The following FBXL7 variants were observed in gnomAD, a reference collection of about 807,000 sequenced individuals.
FBXL7 encodes the protein F-box and leucine rich repeat protein 7, also known as F-box/LRR-repeat protein 7.
Under a neutral mutation model 38.3 loss-of-function variants are expected in FBXL7, and 12 were observed. That is an observed-to-expected ratio of 0.31 (90% CI 0.20 to 0.51). The LOEUF (loss-of-function observed/expected upper bound fraction) is 0.51, where lower values mean the gene tolerates loss of function less well. FBXL7 is among the 20% of genes least tolerant of loss of function. The pLI, the probability that FBXL7 is intolerant of heterozygous loss-of-function variation, is 0.98. For synonymous variants in FBXL7, 297 were observed against 300.9 expected (o/e 0.99, Z 0.13); for missense variants, 567 against 676.4 (o/e 0.84, Z 1.79).
intron 2 of FBXL7, among the ~76,000 whole-genome samples, chr5:15,770,027 A>ATAGT (rs1217092063): frequency 1.3e-5 from 2 of 152,178 alleles, no homozygotes; most frequent in African/African-American, 4.8e-5. Context: ...AATTTTTACA[A>ATAGT]TAGTATTGAC....
intron 1 of FBXL7, among the ~76,000 whole-genome samples, chr5:15,576,146 G>C (rs1427073262): frequency 7.6e-6 from 1 of 131,706 alleles, no homozygotes; most frequent in Non-Finnish European, 1.5e-5. Context: ...GCAATGGCGT[G>C]ATCTTGGCTC....
At chr5:15,716,174 C>T (rs1033419305) in intron 2 of FBXL7, among the ~76,000 whole-genome samples, 1 of 152,174 alleles carries the variant, frequency 6.6e-6, no homozygotes, top group African/African-American at 2.4e-5. Context: ...TGCTAACGCT[C>T]TATTGTTTAT....
At chr5:15,798,229 G>A (rs1737467153) in intron 2 of FBXL7, among the ~76,000 whole-genome samples, 1 of 152,168 alleles carries the variant, frequency 6.6e-6, no homozygotes, top group African/African-American at 2.4e-5. Context: ...CTGTCTTGAA[G>A]CACACAGACA....
At chr5:15,509,374 A>G (rs1280084109) in intron 1 of FBXL7, among the ~76,000 whole-genome samples, 2 of 152,180 alleles carry the variant, frequency 1.3e-5, no homozygotes, top group Non-Finnish European at 2.9e-5. Context: ...AAGGAAGTTC[A>G]GAGTCTAATT....
At chr5:15,599,441 A>G (rs1203380609) in intron 1 of FBXL7, among the ~76,000 whole-genome samples, 1 of 152,144 alleles carries the variant, frequency 6.6e-6, no homozygotes, top group Non-Finnish European at 1.5e-5. Context: ...TTAGGAAGAG[A>G]AAGTTGGCTA....
At chr5:15,506,826 A>G (rs1339880293) in intron 1 of FBXL7, among the ~76,000 whole-genome samples, 1 of 151,666 alleles carries the variant, frequency 6.6e-6, no homozygotes, top group Non-Finnish European at 1.5e-5. Flanking sequence ...AAATGCTATC[A>G]CGTTGGGATT....
At chr5:15,874,008 C>T (rs951512597) in intron 2 of FBXL7, among the ~76,000 whole-genome samples, 12 of 152,030 alleles carry the variant, frequency 7.9e-5, no homozygotes, top group East Asian at 5.8e-4. Context: ...AAGATCAATG[C>T]GAAAATACCC....
At chr5:15,518,102 T>A (rs60034056) in intron 1 of FBXL7, among the ~76,000 whole-genome samples, 4,804 of 152,246 alleles carry the variant, frequency 0.032, 248 homozygotes, top group African/African-American at 0.11. Flanking sequence ...GTGATTCTCC[T>A]GTCTCAGCCT....
At position 15,516,629 on chromosome 5, in the gene FBXL7, C is replaced by G. The variant is rs533733603; in HGVS notation, c.37+15916C>G. On this transcript the variant is annotated intron_variant, in intron 1 of 3. Coordinates refer to ENST00000504595, the MANE Select transcript of FBXL7 (RefSeq NM_012304.5). ...TAGTTCCCATAATTCTCCCACATGT[C>G]GTGGGAGGGACTTCGTGGGAGGTAA... Among the ~76,000 whole-genome samples the G allele has an allele frequency of 3.9e-4, 59 of 152,086 alleles. 1 individual carries two copies. The East Asian group carries it at 0.011, about 28-fold the overall frequency.
intron 2 of FBXL7, among the ~76,000 whole-genome samples, chr5:15,778,144 A>G (rs1185452884): frequency 1.3e-5 from 2 of 152,222 alleles, no homozygotes; most frequent in East Asian, 3.9e-4. Context: ...ATTCGTGGGT[A>G]TCTAAGATGC....
intron 1 of FBXL7, among the ~76,000 whole-genome samples, chr5:15,503,700 G>A (rs557774988): frequency 3.3e-5 from 5 of 152,070 alleles, no homozygotes; most frequent in Non-Finnish European, 7.4e-5. Flanking sequence ...CGAATTGTTC[G>A]TTGCTCAATT....
At chr5:15,840,421 C>T (rs890546153) in intron 2 of FBXL7, among the ~76,000 whole-genome samples, 8 of 152,082 alleles carry the variant, frequency 5.3e-5, no homozygotes, top group Non-Finnish European at 1.2e-4. Flanking sequence ...ATTTTGGAAT[C>T]AGTTTGTCAA....
chr5:15,528,462 G>A (rs1737315052), intron 1 of FBXL7, among the ~76,000 whole-genome samples: 1 of 152,180 alleles, frequency 6.6e-6, no homozygotes, highest in Non-Finnish European at 1.5e-5. Context: ...TAGGGTTAAT[G>A]GACTCACACA....
chr5:15,798,663 A>G (rs1404690294), intron 2 of FBXL7, among the ~76,000 whole-genome samples: 1 of 152,212 alleles, frequency 6.6e-6, no homozygotes, highest in Non-Finnish European at 1.5e-5. Flanking sequence ...TATGATCTAT[A>G]TGAATATGTT....
In FBXL7 at chr5:15,665,241, A is replaced by G. The variant is rs181804583; in HGVS notation, c.127+49169A>G. 3.2e-3 allele frequency among the ~76,000 whole-genome samples: 489 copies of G among 152,258 alleles called. 4 individuals are homozygous for G. The highest frequency in any genetic ancestry group is 0.015 in the South Asian group (72 of 4,824). ...TCCATACCCCCCAATTTTTACCATG[A>G]GCCCCTGGGGGAGGCCAGTGAAAAA... On this transcript the variant is annotated intron_variant, in intron 2 of 3. Coordinates refer to ENST00000504595, the MANE Select transcript of FBXL7 (RefSeq NM_012304.5).
At chr5:15,691,034 G>C (rs565822646) in intron 2 of FBXL7, among the ~76,000 whole-genome samples, 2 of 152,318 alleles carry the variant, frequency 1.3e-5, no homozygotes, top group South Asian at 4.1e-4. Flanking sequence ...TTGAAAAGTG[G>C]AATGTTTCCT....
At chr5:15,624,063 TAGG>T (rs1194193650) in intron 2 of FBXL7, among the ~76,000 whole-genome samples, 1 of 152,226 alleles carries the variant, frequency 6.6e-6, no homozygotes, top group African/African-American at 2.4e-5. Context: ...TTACTGTACT[TAGG>T]AGAAGTGTGT....
intron 2 of FBXL7, among the ~76,000 whole-genome samples, chr5:15,771,017 C>T (rs909843154): frequency 6.6e-6 from 1 of 152,186 alleles, no homozygotes; most frequent in African/African-American, 2.4e-5. Flanking sequence ...TTCCACATCT[C>T]CAATGCGCTT....
chr5:15,695,032 A>G (rs550994661), intron 2 of FBXL7, among the ~76,000 whole-genome samples: 20 of 152,340 alleles, frequency 1.3e-4, no homozygotes, highest in Non-Finnish European at 2.2e-4. Flanking sequence ...GCTCAAAAAT[A>G]AACAAAAACA....
Sources: allele counts gnomAD v4.1 joint callset (sites outside exome capture counted in the v4.1 genomes callset), GRCh38; gene constraint gnomAD v4.1.1; transcripts MANE v1.5; gene names NCBI Gene and HGNC (gene_info 2026-07-23, HGNC 2026-07-21).